STON1: variants seen among roughly 807,000 people sequenced by gnomAD.
STON1 encodes the protein stonin-1.
In STON1, 79 loss-of-function variants were observed where a neutral mutation model predicts 60.9. The observed-to-expected ratio is 1.30, with a 90% CI of 1.08 to 1.56. The LOEUF (loss-of-function observed/expected upper bound fraction) is 1.56. Among genes scored for constraint, STON1 ranks in the 40% most tolerant of loss-of-function variants. STON1 has a pLI of 0.00. For missense variants in STON1, 1,166 were observed against 858.9 expected, an observed-to-expected ratio of 1.36 and a Z score of -4.47; for synonymous variants, 363 against 306.9, an observed-to-expected ratio of 1.18 and a Z score of -1.91.
chr2:48,594,872 G>C (rs1181874360), intron 3 of STON1, among the ~76,000 whole-genome samples: 1 of 152,162 alleles, frequency 6.6e-6, no homozygotes, highest in African/African-American at 2.4e-5. Context: ...CTAGATACAT[G>C]ATACAGCCAT....
chr2:48,595,628 G>T lies in STON1; in HGVS notation c.*326G>T, dbSNP rs1309666397. ...TGATTACTCAGTGGCTGACTGTTTTGCTCTCTGGATTACTGAGGTGCCGTC... is the reference window on the plus strand; with the variant it reads ...TGATTACTCAGTGGCTGACTGTTTTTCTCTCTGGATTACTGAGGTGCCGTC... On this transcript the variant is annotated 3_prime_UTR_variant, in exon 4 of 4. Transcript: ENST00000404752. 1 of 301,448 alleles carries T rather than the reference G, an allele frequency of 3.3e-6. No homozygotes were observed. The highest frequency in any genetic ancestry group is 9.8e-5 in the East Asian group (1 of 10,252). 18.7% of individuals were successfully genotyped at this position (301,448 alleles called of 1,614,324 possible).
At chr2:48,564,595 TC>T (rs1672839394) in intron 1 of STON1, among the ~76,000 whole-genome samples, 1 of 71,514 alleles carries the variant, frequency 1.4e-5, no homozygotes, top group Non-Finnish European at 3.3e-5. Context: ...CTCCTCCTCC[TC>T]CTCCTCCTTC....
At chr2:48,547,010 A>G (rs1022598233) in intron 1 of STON1, among the ~76,000 whole-genome samples, 2 of 152,232 alleles carry the variant, frequency 1.3e-5, no homozygotes, top group African/African-American at 4.8e-5. Flanking sequence ...CTGTTGAGTC[A>G]AATAAAGAAT....
chr2:48,580,803 C>G lies in STON1; in HGVS notation c.170C>G (p.Thr57Ser), dbSNP rs766046664. 1.3e-6 allele frequency: 2 copies of G among 1,552,882 alleles called. No individual in the cohort carries two copies. The highest frequency in any genetic ancestry group is 1.3e-5 in the South Asian group (1 of 79,558). The part of the protein sequence containing the change: ...LREFPSGSSS[T>S]SSTPLSSPIV... The stretch of plus-strand genomic sequence containing the variant: ...GAATTTCCCAGTGGATCTTCCTCCA[C>G]CAGCAGCACTCCTCTCTCCTCCCCC... Residue 57 changes from threonine (T) to serine (S), a missense_variant, in exon 2 of 4, where the codon ACC becomes AGC. Coordinates refer to ENST00000404752, the MANE Select transcript of STON1 (RefSeq NM_006873.4).
chr2:48,595,145 C>A (rs1674726269), intron 3 of STON1, 83 bp from the exon 4 acceptor site: 8 of 1,080,024 alleles, frequency 7.4e-6, no homozygotes, highest in African/African-American at 1.6e-5. Flanking sequence ...CAGTCTGTGC[C>A]ACATGTATAA....
At chr2:48,558,233 G>A (rs1358207372) in intron 1 of STON1, among the ~76,000 whole-genome samples, 1 of 152,118 alleles carries the variant, frequency 6.6e-6, no homozygotes, top group Non-Finnish European at 1.5e-5. Context: ...TCTCAAAATA[G>A]AGAAAGAAAA....
At chr2:48,556,817 C>T (rs1480263781) in intron 1 of STON1, among the ~76,000 whole-genome samples, 4 of 67,052 alleles carry the variant, frequency 6.0e-5, no homozygotes, top group Admixed American at 1.3e-4. Context: ...ACCTCCCTCC[C>T]GGACGGGGCG....
At chr2:48,547,737 C>G (rs764814316) in intron 1 of STON1, among the ~76,000 whole-genome samples, 1 of 152,118 alleles carries the variant, frequency 6.6e-6, no homozygotes, top group East Asian at 1.9e-4. Context: ...TGATGTCTCC[C>G]GGAGCATAGA....
intron 3 of STON1, among the ~76,000 whole-genome samples, chr2:48,592,535 G>C (rs1371973309): frequency 6.6e-6 from 1 of 150,658 alleles, no homozygotes; most frequent in Non-Finnish European, 1.5e-5. Context: ...GGGTCCAAGC[G>C]ATTCTCCTGC....
At chr2:48,564,733 CTT>C (rs776637856) in intron 1 of STON1, among the ~76,000 whole-genome samples, 3 of 100,898 alleles carry the variant, frequency 3.0e-5, no homozygotes, top group Non-Finnish European at 4.0e-5. Context: ...TTCTTTCTTT[CTT>C]TTTTTTTTTT....
At chr2:48,548,217 A>G (rs1233585870) in intron 1 of STON1, among the ~76,000 whole-genome samples, 3 of 151,994 alleles carry the variant, frequency 2.0e-5, no homozygotes, top group Non-Finnish European at 4.4e-5. Flanking sequence ...TTCCTCATCT[A>G]TTTTCTCGCT....
In STON1 at chr2:48,569,247, G is replaced by A. The variant is rs796209664; in HGVS notation, c.-47-11340G>A. 3.9e-5 allele frequency among the ~76,000 whole-genome samples: 6 copies of A among 152,336 alleles called. 1 individual carries two copies. Among genetic ancestry groups the A allele is most frequent in the African/African-American group, 1.4e-4 (6 of 41,576 alleles). ...TATTTGATAAATGTTTGTTAGTGTG[G>A]TTAATTGAACAGAAAGCCTTAAATG... is the stretch of plus-strand genomic sequence containing the variant. On this transcript the variant is annotated intron_variant, in intron 1 of 3. Coordinates refer to ENST00000404752, the MANE Select transcript of STON1 (RefSeq NM_006873.4).
At chr2:48,594,323 AG>A (rs1246489212) in intron 3 of STON1, among the ~76,000 whole-genome samples, 6 of 152,224 alleles carry the variant, frequency 3.9e-5, no homozygotes, top group African/African-American at 1.4e-4. Context: ...AGGGCATGCC[AG>A]GTTCATGCAA....
chr2:48,533,851 C>T (rs1431791113), intron 1 of STON1, among the ~76,000 whole-genome samples: 1 of 150,546 alleles, frequency 6.6e-6, no homozygotes, highest in African/African-American at 2.4e-5. Context: ...CTTATCGCAA[C>T]CTCCACCTCC....
intron 1 of STON1, among the ~76,000 whole-genome samples, chr2:48,564,553 T>TTCC (rs1672825875): frequency 1.9e-5 from 1 of 52,832 alleles, no homozygotes; most frequent in Non-Finnish European, 4.0e-5. Flanking sequence ...CTTCTTCTTC[T>TTCC]TCTTCTTCTT....
At chr2:48,573,005 A>G (rs1348349455) in intron 1 of STON1, among the ~76,000 whole-genome samples, 1 of 152,242 alleles carries the variant, frequency 6.6e-6, no homozygotes. Flanking sequence ...GCAAATGACA[A>G]CAGTGAGTGC....
At chr2:48,542,321 G>A (rs1313857009) in intron 1 of STON1, among the ~76,000 whole-genome samples, 1 of 152,182 alleles carries the variant, frequency 6.6e-6, no homozygotes, top group East Asian at 1.9e-4. Context: ...GTGACAATGG[G>A]AAAGAAATGG....
chr2:48,538,038 C>G (rs1407517930), intron 1 of STON1, among the ~76,000 whole-genome samples: 2 of 151,704 alleles, frequency 1.3e-5, no homozygotes, highest in Non-Finnish European at 2.9e-5. Context: ...ACTGCAACCT[C>G]CGACTCCCGG....
At chr2:48,565,254 A>G (rs1055175897) in intron 1 of STON1, among the ~76,000 whole-genome samples, 1 of 151,256 alleles carries the variant, frequency 6.6e-6, no homozygotes, top group African/African-American at 2.4e-5. Context: ...GGGTTTCACC[A>G]TGTTAGCCAG....
Sources: gnomAD v4.1 joint callset for allele counts (sites outside exome capture counted in the v4.1 genomes callset) on GRCh38, gnomAD v4.1.1 for gene constraint, MANE v1.5 for transcripts, NCBI Gene and HGNC (gene_info 2026-07-23, HGNC 2026-07-21) for gene names.